The following KDM7A variants were observed in gnomAD, a reference collection of about 807,000 sequenced individuals.
KDM7A encodes the protein lysine-specific demethylase 7A.
A neutral mutation model predicts 114.8 loss-of-function variants in KDM7A; 28 were observed. The observed-to-expected ratio is 0.24, with a 90% CI of 0.18 to 0.33. The LOEUF is 0.33. Ranked by LOEUF, KDM7A falls within the 10% of genes least tolerant of loss-of-function variation. The pLI, the probability that KDM7A is intolerant of heterozygous loss-of-function variation, is 1.00. For synonymous variants in KDM7A, 423 were observed against 397.8 expected (o/e 1.06, Z -0.75); for missense variants, 942 against 1,142.5 (o/e 0.82, Z 2.53).
chr7:140,163,013 G>T (rs200028127), intron 1 of KDM7A, among the ~76,000 whole-genome samples: 9,348 of 86,928 alleles, frequency 0.11, 327 homozygotes, highest in Middle Eastern at 0.25. Flanking sequence ...TTTTTTTTTT[G>T]AGACAATGTC....
At chr7:140,095,066 T>G (rs1009837719) in intron 17 of KDM7A, among the ~76,000 whole-genome samples, 3 of 152,210 alleles carry the variant, frequency 2.0e-5, no homozygotes, top group Non-Finnish European at 2.9e-5. Flanking sequence ...CAGGCTGGTC[T>G]TGAACTTCCA....
Position 140,088,285 on chromosome 7 carries a change from A to G in KDM7A, c.*2809T>C, listed in dbSNP as rs1393310824. The G allele has an allele frequency of 5.3e-6, 2 of 377,896 alleles. No individual in the cohort carries two copies. Among genetic ancestry groups the G allele is most frequent in the Non-Finnish European group, 9.4e-6 (2 of 213,182 alleles). The allele number at this position is 377,896 out of a possible 1,614,324, so 23.4% of individuals were successfully genotyped here. On this transcript the variant is annotated 3_prime_UTR_variant, in exon 20 of 20. Transcript: ENST00000397560. ...ACATCACTCATCAATATTGAAAAGC[A>G]TAATATTATGTGACATTGTAAATTA...
At chr7:140,102,374 A>ATTTTT (rs149936748) in intron 11 of KDM7A, among the ~76,000 whole-genome samples, 1 of 143,228 alleles carries the variant, frequency 7.0e-6, no homozygotes, top group Non-Finnish European at 1.5e-5. Flanking sequence ...TACTTCCTTG[A>ATTTTT]TTTTTTTTTT....
At chr7:140,157,952 G>A (rs1478512484) in intron 1 of KDM7A, among the ~76,000 whole-genome samples, 1 of 150,330 alleles carries the variant, frequency 6.7e-6, no homozygotes, top group Admixed American at 6.7e-5. Context: ...CTGGGCCACA[G>A]AGCAAGACTC....
At chr7:140,117,061 G>A (rs538429932) in intron 9 of KDM7A, among the ~76,000 whole-genome samples, 31 of 152,304 alleles carry the variant, frequency 2.0e-4, no homozygotes, top group Non-Finnish European at 3.1e-4. Flanking sequence ...CTGTTTCCAG[G>A]ATGAATGCTT....
rs78791610 is a variant in KDM7A at position 140,096,950 on chromosome 7, T to C, written c.2114A>G (p.Asn705Ser). The stretch of plus-strand genomic sequence containing the variant: ...TGGCTTCTGGCTCTTTTGAAGGAAG[T>C]TCCTCATCACATTAGATTCCTCCTT... ...NFKEESNVMRNFLQKSQKPSR... is the reference protein window; with the variant it reads ...NFKEESNVMRSFLQKSQKPSR... Residue 705 changes from asparagine (N) to serine (S), a missense_variant, in exon 16 of 20, where the codon AAC becomes AGC. Physicochemically the swap from Asn to Ser is conservative, Grantham distance 46. Coordinates refer to ENST00000397560, the MANE Select transcript of KDM7A (RefSeq NM_030647.2). 1,317 of 1,613,812 alleles carry C rather than the reference T, an allele frequency of 8.2e-4. 10 individuals are homozygous for C. In the African/African-American group the frequency reaches 0.015, roughly 18 times the overall value.
intron 9 of KDM7A, among the ~76,000 whole-genome samples, chr7:140,114,780 G>A (rs184427672): frequency 0.061 from 8,724 of 143,464 alleles, 313 homozygotes; most frequent in East Asian, 0.14. Context: ...CTGCCCGGCC[G>A]CCCCGTCTGG....
intron 1 of KDM7A, among the ~76,000 whole-genome samples, chr7:140,172,235 T>A (rs995142086): frequency 6.6e-6 from 1 of 152,230 alleles, no homozygotes; most frequent in African/African-American, 2.4e-5. Context: ...AAATTGTACA[T>A]GCCAGGTCTT....
At chr7:140,115,913 C>T (rs1818522331) in intron 9 of KDM7A, among the ~76,000 whole-genome samples, 1 of 128,168 alleles carries the variant, frequency 7.8e-6, no homozygotes, top group South Asian at 2.3e-4. Context: ...AAGGCTTATA[C>T]ACATATGAAA....
chr7:140,129,637 T>C lies in KDM7A; in HGVS notation c.415A>G (p.Ile139Val). 6.2e-7 allele frequency: 1 copy of C among 1,607,854 alleles called. No homozygotes were observed. Among genetic ancestry groups the C allele is most frequent in the Non-Finnish European group, 8.5e-7 (1 of 1,174,610 alleles). Reference sequence around the variant, plus strand: ...GTCAGCTGGCTGCCATGCATCTTTATAATTATTTCATCGGCACTAAGGAAA... The same window carrying C: ...GTCAGCTGGCTGCCATGCATCTTTACAATTATTTCATCGGCACTAAGGAAA... ...RVFPSADEII[I>V]KMHGSQLTQR... is the part of the protein sequence containing the mutation. Residue 139 changes from isoleucine to valine, a missense_variant, in exon 4 of 20, where the codon ATA becomes GTA. This residue lies in a region of KDM7A where 318 missense variants were observed against 453.1 expected (regional missense o/e 0.70). Transcript: ENST00000397560.
intron 7 of KDM7A, among the ~76,000 whole-genome samples, chr7:140,121,284 T>C (rs762377575): frequency 8.5e-5 from 13 of 152,368 alleles, no homozygotes; most frequent in South Asian, 4.1e-4. Context: ...AAAAAAATGT[T>C]GGCAGACTTC....
chr7:140,122,488 C>G (rs1818631605), intron 7 of KDM7A, among the ~76,000 whole-genome samples: 1 of 152,124 alleles, frequency 6.6e-6, no homozygotes, highest in African/African-American at 2.4e-5. Flanking sequence ...TGTTACTAAT[C>G]TAGGCAAATA....
At chr7:140,119,088 T>C (rs928057023) in intron 9 of KDM7A, 25 bp downstream of exon 9, 11 of 1,388,138 alleles carry the variant, frequency 7.9e-6, no homozygotes, top group Non-Finnish European at 9.2e-6. Flanking sequence ...TCATATCATA[T>C]ACAAACATGC....
intron 1 of KDM7A, among the ~76,000 whole-genome samples, chr7:140,175,973 C>T (rs1794700522): frequency 1.3e-5 from 2 of 152,100 alleles, no homozygotes; most frequent in African/African-American, 4.8e-5. Flanking sequence ...CTCCATCTGC[C>T]CCAGTCCCGG....
At chr7:140,166,189 G>C (rs975623574) in intron 1 of KDM7A, among the ~76,000 whole-genome samples, 1 of 151,796 alleles carries the variant, frequency 6.6e-6, no homozygotes, top group East Asian at 1.9e-4. Flanking sequence ...AGATAAGCGG[G>C]GACACACTAC....
chr7:140,122,536 A>G (rs1299895101), intron 7 of KDM7A, among the ~76,000 whole-genome samples: 2 of 152,168 alleles, frequency 1.3e-5, no homozygotes, highest in African/African-American at 2.4e-5. Context: ...TTTATTCAAC[A>G]TACATTTGTT....
intron 1 of KDM7A, among the ~76,000 whole-genome samples, chr7:140,172,188 G>C (rs1190273305): frequency 6.6e-6 from 1 of 152,146 alleles, no homozygotes; most frequent in Admixed American, 6.5e-5. Context: ...TATACCCTTT[G>C]ACCAATAACA....
intron 1 of KDM7A, among the ~76,000 whole-genome samples, chr7:140,165,289 G>GT (rs1223847692): frequency 2.0e-5 from 3 of 152,152 alleles, no homozygotes; most frequent in Non-Finnish European, 2.9e-5. Flanking sequence ...AGCCAGTGGT[G>GT]TTTTTTAAAA....
chr7:140,109,678 CAG>C (rs1818400957), intron 11 of KDM7A, among the ~76,000 whole-genome samples: 2 of 152,318 alleles, frequency 1.3e-5, no homozygotes. Context: ...ATACTGTTTT[CAG>C]CTTCAGATAT....
Sources: gnomAD v4.1 joint callset for allele counts (sites outside exome capture counted in the v4.1 genomes callset) on GRCh38, gnomAD v4.1.1 for gene constraint, gnomAD v4.1.1 regional missense constraint, MANE v1.5 for transcripts, NCBI Gene and HGNC (gene_info 2026-07-23, HGNC 2026-07-21) for gene names.